RSPH9: variants seen among roughly 807,000 people sequenced by gnomAD.
The protein encoded by RSPH9 is radial spoke head component 9.
Under a neutral mutation model 27.0 loss-of-function variants are expected in RSPH9, and 27 were observed. That is an observed-to-expected ratio of 1.00 (90% CI 0.74 to 1.38). The LOEUF (loss-of-function observed/expected upper bound fraction) is 1.38. Among genes scored for constraint, RSPH9 ranks in the 40% most tolerant of loss-of-function variants. The probability of loss-of-function intolerance (pLI) is 0.00; values close to 1 mark genes in which losing one functional copy is unlikely to be tolerated. For synonymous variants in RSPH9, 145 were observed against 147.7 expected (o/e 0.98, Z 0.13); for missense variants, 347 against 357.4 (o/e 0.97, Z 0.24).
intron 4 of RSPH9, among the ~76,000 whole-genome samples, chr6:43,669,277 C>G (rs1156935407): frequency 6.6e-6 from 1 of 152,210 alleles, no homozygotes; most frequent in African/African-American, 2.4e-5. Context: ...CTAAAGTGAG[C>G]TTTGCGATTG....
chr6:43,655,150 A>G (rs1183699365), intron 2 of RSPH9, among the ~76,000 whole-genome samples: 4 of 152,244 alleles, frequency 2.6e-5, no homozygotes, highest in Non-Finnish European at 5.9e-5. Context: ...ATATTATCCA[A>G]ATATTCTACA....
chr6:43,672,558 A>C lies in RSPH9; in HGVS notation c.*1609A>C, dbSNP rs1167397091. 2.4e-6 allele frequency: 1 copy of C among 409,932 alleles called. No individual in the cohort carries two copies. The highest frequency in any genetic ancestry group is 5.1e-6 in the Non-Finnish European group (1 of 195,262). 25.4% of individuals were successfully genotyped at this position (409,932 alleles called of 1,614,324 possible). ...AGAAAAGTGGCTCATGCCGGCTAGG[A>C]TTGGGTTTTACTCTGTCCAGAATAA... On this transcript the variant is annotated 3_prime_UTR_variant, in exon 5 of 5. Coordinates refer to ENST00000372163, the MANE Select transcript of RSPH9 (RefSeq NM_152732.5).
At chr6:43,652,918 A>G (rs2127899384) in intron 2 of RSPH9, among the ~76,000 whole-genome samples, 1 of 152,270 alleles carries the variant, frequency 6.6e-6, no homozygotes, top group East Asian at 1.9e-4. Flanking sequence ...CCCTGGGCTC[A>G]AGTGATCCTC....
At chr6:43,664,027 GAAA>G (rs1294350617) in intron 4 of RSPH9, among the ~76,000 whole-genome samples, 1 of 79,072 alleles carries the variant, frequency 1.3e-5, no homozygotes, top group Non-Finnish European at 2.4e-5. Flanking sequence ...AGAATGTCTC[GAAA>G]AAAAAAAAAA....
At position 43,671,586 on chromosome 6, in the gene RSPH9, A is replaced by G. The variant is rs544271938; in HGVS notation, c.*637A>G. On this transcript the variant is annotated 3_prime_UTR_variant, in exon 5 of 5. Coordinates refer to ENST00000372163, the MANE Select transcript of RSPH9 (RefSeq NM_152732.5). ...CCTGCCTCTAGCTCCCAGCATTGCTACTGTGCAGGCCAAGGGTACTGAAGT... is the reference window on the plus strand; with the variant it reads ...CCTGCCTCTAGCTCCCAGCATTGCTGCTGTGCAGGCCAAGGGTACTGAAGT... 2.5e-4 allele frequency: 175 copies of G among 700,146 alleles called. 1 individual carries two copies. The African/African-American group carries it at 2.9e-3, about 12-fold the overall frequency. 43.4% of individuals were successfully genotyped at this position (700,146 alleles called of 1,614,324 possible).
chr6:43,647,293 A>G (rs1770988036), intron 1 of RSPH9, among the ~76,000 whole-genome samples: 1 of 151,910 alleles, frequency 6.6e-6, no homozygotes, highest in Admixed American at 6.6e-5. Flanking sequence ...AGGCAAAAGG[A>G]TATGGGTCTT....
At chr6:43,656,800 T>A (rs1772088058) in intron 4 of RSPH9, 77 bp downstream of exon 4, 2 of 1,527,656 alleles carry the variant, frequency 1.3e-6, no homozygotes, top group Admixed American at 3.3e-5. Flanking sequence ...GCCATTTTCC[T>A]CTGAGACTGG....
At chr6:43,650,795 A>G (rs935677767) in intron 2 of RSPH9, among the ~76,000 whole-genome samples, 10 of 151,582 alleles carry the variant, frequency 6.6e-5, no homozygotes, top group African/African-American at 2.4e-4. Flanking sequence ...AGTCCCAGCT[A>G]CTCGGGAGGC....
At chr6:43,666,602 T>G (rs1471681251) in intron 4 of RSPH9, 7 of 908,744 alleles carry the variant, frequency 7.7e-6, no homozygotes, top group Non-Finnish European at 1.2e-5. Flanking sequence ...GGAGAGCTGT[T>G]GTCCTCATGA....
At chr6:43,650,617 T>C (rs1296342098) in intron 2 of RSPH9, 77 bp downstream of exon 2, 14 of 1,538,200 alleles carry the variant, frequency 9.1e-6, no homozygotes, top group Non-Finnish European at 9.0e-6. Context: ...ATAGAAATTA[T>C]GGCAACAGGC....
chr6:43,658,419 A>T (rs1462609799), intron 4 of RSPH9, among the ~76,000 whole-genome samples: 2 of 151,984 alleles, frequency 1.3e-5, no homozygotes, highest in African/African-American at 4.8e-5. Flanking sequence ...TTTTTTGAAA[A>T]GTTGTGTTTG....
chr6:43,658,146 T>C (rs753391836), intron 4 of RSPH9, among the ~76,000 whole-genome samples: 5 of 151,748 alleles, frequency 3.3e-5, no homozygotes, highest in Non-Finnish European at 7.4e-5. Context: ...AAAAATTAGC[T>C]GGGTATGGTA....
intron 3 of RSPH9, 136 bp downstream of exon 3, chr6:43,655,827 G>A: frequency 9.3e-7 from 1 of 1,079,176 alleles, no homozygotes; most frequent in Non-Finnish European, 1.4e-6. Flanking sequence ...TCACCTGGGA[G>A]GGTGTGCCCA....
chr6:43,662,618 C>T (rs1424421758), intron 4 of RSPH9, among the ~76,000 whole-genome samples: 3 of 152,108 alleles, frequency 2.0e-5, no homozygotes, highest in African/African-American at 4.8e-5. Flanking sequence ...CCACCTGCCT[C>T]GGCCTCCCAA....
chr6:43,656,820 C>T lies in RSPH9; in HGVS notation c.670+97C>T, dbSNP rs1772090580. The T allele has an allele frequency of 7.9e-6, 11 of 1,398,264 alleles. No homozygotes were observed. The East Asian group carries it at 9.2e-5, about 12-fold the overall frequency. The allele number at this position is 1,398,264 out of a possible 1,614,324, so 86.6% of individuals were successfully genotyped here. ...TTTCCTCTGAGACTGGAACCAAGGG[C>T]CTAGTGGGAATTGGTGGTTCACCAT... On this transcript the variant is annotated intron_variant, in intron 4 of 4. Coordinates refer to ENST00000372163, the MANE Select transcript of RSPH9 (RefSeq NM_152732.5).
intron 1 of RSPH9, among the ~76,000 whole-genome samples, chr6:43,646,125 T>TTTATTA (rs375295386): frequency 2.7e-5 from 4 of 149,958 alleles, no homozygotes; most frequent in East Asian, 4.0e-4. Context: ...TGGCTATTTA[T>TTTATTA]TTATTATTAT....
At chr6:43,654,879 G>A (rs997562713) in intron 2 of RSPH9, among the ~76,000 whole-genome samples, 29 of 152,096 alleles carry the variant, frequency 1.9e-4, no homozygotes, top group Admixed American at 1.3e-3. Flanking sequence ...TAGATGTGGT[G>A]ACATGTGCTT....
chr6:43,669,731 C>T (rs1404002591), intron 4 of RSPH9, among the ~76,000 whole-genome samples: 1 of 152,262 alleles, frequency 6.6e-6, no homozygotes, highest in Non-Finnish European at 1.5e-5. Flanking sequence ...CATCCAGAGG[C>T]GATTTTCCCA....
At position 43,645,153 on chromosome 6, in the gene RSPH9, G is replaced by A; in HGVS notation, c.55G>A (p.Gly19Ser). Residue 19 changes from glycine to serine, a missense_variant, in exon 1 of 5, where the codon GGC becomes AGC. Coordinates refer to ENST00000372163, the MANE Select transcript of RSPH9 (RefSeq NM_152732.5). ...GGAGCTGGCGTCCGGCAGTGGGCAG[G>A]GCCTCAGCCCGGACCGTCGGGCCTC... ...SLELASGSGQGLSPDRRASLL... is the reference protein window; with the variant it reads ...SLELASGSGQSLSPDRRASLL... 1 of 1,613,512 alleles carries A rather than the reference G, an allele frequency of 6.2e-7. No individual in the cohort carries two copies. The highest frequency in any genetic ancestry group is 1.1e-5 in the South Asian group (1 of 91,086).
Sources: gnomAD v4.1 joint callset for allele counts (sites outside exome capture counted in the v4.1 genomes callset) on GRCh38, gnomAD v4.1.1 for gene constraint, MANE v1.5 for transcripts, NCBI Gene and HGNC (gene_info 2026-07-23, HGNC 2026-07-21) for gene names.